Variants in NKAIN2 observed in about 807,000 individuals in gnomAD.
NKAIN2 encodes the protein sodium/potassium-transporting ATPase subunit beta-1-interacting protein 2.
A neutral mutation model predicts 32.6 loss-of-function variants in NKAIN2; 14 were observed. The observed-to-expected ratio is 0.43, with a 90% CI of 0.28 to 0.67. The LOEUF is 0.67. NKAIN2 is among the 30% of genes least tolerant of loss of function. NKAIN2 has a pLI of 0.17. For missense variants in NKAIN2, 198 were observed against 258.3 expected (o/e 0.77, Z 1.60); for synonymous variants, 80 against 87.2 (o/e 0.92, Z 0.46).
At chr6:124,649,909 T>C (rs1293823619) in intron 3 of NKAIN2, among the ~76,000 whole-genome samples, 1 of 152,158 alleles carries the variant, frequency 6.6e-6, no homozygotes, top group Non-Finnish European at 1.5e-5. Flanking sequence ...CTCACATCAG[T>C]AGATGTATAA....
At position 124,718,375 on chromosome 6, in the gene NKAIN2, T is replaced by C. The variant is rs573390054; in HGVS notation, c.474+59989T>C. On this transcript the variant is annotated intron_variant, in intron 4 of 6. Coordinates refer to ENST00000368417, the MANE Select transcript of NKAIN2 (RefSeq NM_001040214.3). ...GCTTCTTTTATTTAGCATAATATTT[T>C]CAAAGTTCATTCATGTCATAGCATG... is the stretch of plus-strand genomic sequence containing the variant. Among the ~76,000 whole-genome samples the C allele has an allele frequency of 6.8e-4, 103 of 152,202 alleles. 1 individual carries two copies. Among genetic ancestry groups the C allele is most frequent in the Admixed American group, 1.6e-3 (24 of 15,276 alleles).
At chr6:124,375,857 T>C (rs1306474013) in intron 3 of NKAIN2, among the ~76,000 whole-genome samples, 5 of 152,082 alleles carry the variant, frequency 3.3e-5, no homozygotes, top group Admixed American at 3.3e-4. Flanking sequence ...AAGAACCTAA[T>C]GGCTCAAAAA....
rs142872221 is a variant in NKAIN2, at chr6:124,039,111, A to C, written c.54+234857A>C. 8.5e-5 allele frequency among the ~76,000 whole-genome samples: 13 copies of C among 152,204 alleles called. No individual in the cohort carries two copies. In the East Asian group the frequency reaches 2.5e-3, roughly 29 times the overall value. On this transcript the variant is annotated intron_variant, in intron 1 of 6. Coordinates refer to ENST00000368417, the MANE Select transcript of NKAIN2 (RefSeq NM_001040214.3). The stretch of plus-strand genomic sequence containing the variant: ...AAAAAAGTTTTATAGTATTTACCTA[A>C]TTGGCACATGCTTATTTTACAAATA...
chr6:124,757,305 A>C (rs991835375), intron 4 of NKAIN2, among the ~76,000 whole-genome samples: 1 of 152,128 alleles, frequency 6.6e-6, no homozygotes, highest in East Asian at 1.9e-4. Context: ...TTGGTCATTG[A>C]CAGGCATCAT....
At chr6:124,522,980 A>G (rs1779172520) in intron 3 of NKAIN2, among the ~76,000 whole-genome samples, 1 of 148,488 alleles carries the variant, frequency 6.7e-6, no homozygotes, top group Admixed American at 6.7e-5. Context: ...CGTCTCTACT[A>G]AAAATACAAA....
intron 5 of NKAIN2, among the ~76,000 whole-genome samples, chr6:124,816,269 C>T (rs893078836): frequency 7.2e-5 from 11 of 152,002 alleles, no homozygotes; most frequent in Admixed American, 3.3e-4. Context: ...CAGTGATTGC[C>T]GGGGGTTGGG....
intron 1 of NKAIN2, among the ~76,000 whole-genome samples, chr6:124,163,267 T>C (rs906808753): frequency 5.3e-5 from 8 of 151,996 alleles, no homozygotes; most frequent in African/African-American, 1.9e-4. Flanking sequence ...TAAAAGTTGC[T>C]GGTAAACATG....
In NKAIN2 at chr6:124,753,654, C is replaced by T. The variant is rs552720638; in HGVS notation, c.475-37685C>T. ...AAGTGATTAGATGGCCACGATTGCT[C>T]CTGAATTCAGAATAAAGGAACTGAG... is the stretch of plus-strand genomic sequence containing the variant. On this transcript the variant is annotated intron_variant, in intron 4 of 6. Transcript: ENST00000368417. 2.4e-4 allele frequency among the ~76,000 whole-genome samples: 36 copies of T among 152,096 alleles called. No individual in the cohort carries two copies. The South Asian group carries it at 7.5e-3, about 32-fold the overall frequency.
chr6:124,440,412 G>C (rs1775639353), intron 3 of NKAIN2, among the ~76,000 whole-genome samples: 2 of 152,026 alleles, frequency 1.3e-5, no homozygotes, highest in Non-Finnish European at 2.9e-5. Flanking sequence ...CATTAGTCCT[G>C]AATTTCCTTC....
At chr6:124,292,144 C>A (rs1415291273) in intron 2 of NKAIN2, among the ~76,000 whole-genome samples, 1 of 152,068 alleles carries the variant, frequency 6.6e-6, no homozygotes, top group Non-Finnish European at 1.5e-5. Context: ...AAACTCCTGG[C>A]TGATTCTAAA....
intron 1 of NKAIN2, among the ~76,000 whole-genome samples, chr6:123,919,218 T>C (rs1057174456): frequency 6.6e-6 from 1 of 152,144 alleles, no homozygotes; most frequent in South Asian, 2.1e-4. Flanking sequence ...AACATATATA[T>C]ACATATGCAC....
At chr6:124,376,244 T>G (rs1233264087) in intron 3 of NKAIN2, among the ~76,000 whole-genome samples, 1 of 152,034 alleles carries the variant, frequency 6.6e-6, no homozygotes, top group East Asian at 1.9e-4. Flanking sequence ...ACATAGAAAA[T>G]GATTTCTTTT....
chr6:124,609,608 A>C (rs1026148145), intron 3 of NKAIN2, among the ~76,000 whole-genome samples: 2 of 151,734 alleles, frequency 1.3e-5, no homozygotes. Context: ...TCTGTCCTCC[A>C]CCTGCCTCTC....
Position 123,804,265 on chromosome 6 carries a change from C to A in NKAIN2, c.54+11C>A, listed in dbSNP as rs1392061869. 6.2e-7 allele frequency: 1 copy of A among 1,608,890 alleles called. No homozygotes were observed. Among genetic ancestry groups the A allele is most frequent in the Admixed American group, 1.7e-5 (1 of 59,996 alleles). The stretch of plus-strand genomic sequence containing the variant: ...TGTGGCATGCAACTGGTAAGTGACA[C>A]TTGGGTCCCCTTATTCTGTAATGTG... On this transcript the variant is annotated intron_variant, in intron 1 of 6. Transcript: ENST00000368417.
intron 1 of NKAIN2, among the ~76,000 whole-genome samples, chr6:124,044,119 G>T (rs1782008824): frequency 6.6e-6 from 1 of 151,970 alleles, no homozygotes; most frequent in African/African-American, 2.4e-5. Context: ...TTACTTAATA[G>T]TATTTTACAT....
chr6:124,573,075 G>A (rs1438509994), intron 3 of NKAIN2, among the ~76,000 whole-genome samples: 1 of 152,016 alleles, frequency 6.6e-6, no homozygotes, highest in Non-Finnish European at 1.5e-5. Context: ...CCTGACCTCA[G>A]GTGATCCGCC....
At chr6:124,075,403 G>A (rs1783649840) in intron 1 of NKAIN2, among the ~76,000 whole-genome samples, 1 of 152,106 alleles carries the variant, frequency 6.6e-6, no homozygotes, top group Non-Finnish European at 1.5e-5. Context: ...ATTAACTAGA[G>A]TTAAATTAAT....
chr6:124,079,992 A>C (rs535804498), intron 1 of NKAIN2, among the ~76,000 whole-genome samples: 5 of 151,704 alleles, frequency 3.3e-5, no homozygotes, highest in African/African-American at 1.2e-4. Context: ...GGTGGGTGGG[A>C]GGAAGTAGAT....
chr6:124,024,754 G>A (rs1017750407), intron 1 of NKAIN2, among the ~76,000 whole-genome samples: 5 of 151,872 alleles, frequency 3.3e-5, no homozygotes, highest in African/African-American at 9.7e-5. Flanking sequence ...TTTGGGAGGC[G>A]GAAGTGGGTG....
Sources: allele counts gnomAD v4.1 joint callset (sites outside exome capture counted in the v4.1 genomes callset), GRCh38; gene constraint gnomAD v4.1.1; transcripts MANE v1.5; gene names NCBI Gene and HGNC (gene_info 2026-07-23, HGNC 2026-07-21).